Variants in NEBL observed in about 807,000 individuals in gnomAD.
NEBL encodes the protein nebulette.
In NEBL, 122 loss-of-function variants were observed where a neutral mutation model predicts 140.2. The observed-to-expected ratio is 0.87, with a 90% CI of 0.75 to 1.01. NEBL has a LOEUF of 1.01. NEBL is among the 50% of genes least tolerant of loss of function. The pLI, the probability that NEBL is intolerant of heterozygous loss-of-function variation, is 0.00. For missense variants in NEBL, 1,365 were observed against 1,231.3 expected (o/e 1.11, Z -1.62); for synonymous variants, 436 against 398.9 (o/e 1.09, Z -1.11).
At chr10:20,936,057 C>A (rs7921413) in intron 4 of NEBL, among the ~76,000 whole-genome samples, 24,903 of 152,198 alleles carry the variant, frequency 0.16, 2,440 homozygotes, top group African/African-American at 0.27. Context: ...ACTGCTGCTA[C>A]TTCTACAAAT....
chr10:21,026,219 C>T (rs1054622505), intron 2 of NEBL, among the ~76,000 whole-genome samples: 2 of 152,090 alleles, frequency 1.3e-5, no homozygotes, highest in African/African-American at 2.4e-5. Flanking sequence ...CAATAGGCAA[C>T]GTCCGGAGAC....
chr10:21,110,794 G>C lies in NEBL; in HGVS notation c.164+61589C>G, dbSNP rs115122175. The C allele has an allele frequency of 5.3e-6, 3 of 570,152 alleles. No homozygotes were observed. In the African/African-American group the frequency reaches 5.5e-5, roughly 10 times the overall value. 35.3% of individuals were successfully genotyped at this position (570,152 alleles called of 1,614,324 possible). A position where few individuals can be genotyped will look rare whatever the true frequency, so the allele number is the denominator to read the frequency against. On this transcript the variant is annotated intron_variant, in intron 2 of 6. Coordinates refer to the NEBL transcript ENST00000417816. ...TGAGCACCAATTATCTTTAAGAACA[G>C]TCAGGTTAGGGACTCATGCAAAGGA...
chr10:21,044,801 C>T (rs1293154138), intron 2 of NEBL, among the ~76,000 whole-genome samples: 1 of 152,210 alleles, frequency 6.6e-6, no homozygotes, highest in African/African-American at 2.4e-5. Context: ...ACTTCTGCAA[C>T]TCACTCAGGA....
chr10:21,075,330 C>T (rs112640716), intron 2 of NEBL, among the ~76,000 whole-genome samples: 3,636 of 152,142 alleles, frequency 0.024, 149 homozygotes, highest in African/African-American at 0.08. Flanking sequence ...TGGCTGGAGA[C>T]GGACTGAGAG....
At chr10:20,859,560 T>C (rs906748433) in intron 8 of NEBL, among the ~76,000 whole-genome samples, 153 bp downstream of exon 8, 1 of 152,044 alleles carries the variant, frequency 6.6e-6, no homozygotes, top group Non-Finnish European at 1.5e-5. Context: ...ATTACAATAA[T>C]ATATTTTTCT....
rs181702081 is a variant in NEBL, at chr10:21,291,399, A to T, written n.182+1431T>A. On this transcript the variant is annotated intron_variant and non_coding_transcript_variant, in intron 1 of 8. Transcript: ENST00000675702. ...TGCATGGCTGTAATCCCAGCTACTC[A>T]GGAGGCTGAGGCAGGAGAATTGCTT... Among the ~76,000 whole-genome samples, 82 of 151,516 alleles carry T rather than the reference A, an allele frequency of 5.4e-4. 1 individual carries two copies. The highest frequency in any genetic ancestry group is 1.9e-3 in the African/African-American group (78 of 41,296).
chr10:21,022,449 C>T (rs1357965459), intron 2 of NEBL, among the ~76,000 whole-genome samples: 1 of 152,198 alleles, frequency 6.6e-6, no homozygotes, highest in Non-Finnish European at 1.5e-5. Flanking sequence ...GTAGCTCCCA[C>T]GGAGTCAGAT....
chr10:20,982,217 C>T (rs757526256), intron 3 of NEBL, among the ~76,000 whole-genome samples: 8 of 151,156 alleles, frequency 5.3e-5, no homozygotes, highest in East Asian at 3.9e-4. Flanking sequence ...ACAGAAAATT[C>T]GGAAACATCG....
chr10:21,099,346 C>T (rs1019464253), intron 2 of NEBL, among the ~76,000 whole-genome samples: 1 of 152,158 alleles, frequency 6.6e-6, no homozygotes, highest in African/African-American at 2.4e-5. Context: ...TCCCTCCTCT[C>T]CTTTCGCGTC....
chr10:21,084,448 C>T (rs1036543669), intron 2 of NEBL, among the ~76,000 whole-genome samples: 1 of 151,916 alleles, frequency 6.6e-6, no homozygotes, highest in African/African-American at 2.4e-5. Context: ...AATGTTAAAA[C>T]TAAGTCTCAG....
At chr10:20,930,974 G>A (rs938837734) in intron 4 of NEBL, among the ~76,000 whole-genome samples, 1 of 152,058 alleles carries the variant, frequency 6.6e-6, no homozygotes, top group South Asian at 2.1e-4. Context: ...AGAAACAAAC[G>A]CCTGTACCTT....
chr10:20,942,125 T>C (rs1259892946), intron 4 of NEBL, among the ~76,000 whole-genome samples: 1 of 152,104 alleles, frequency 6.6e-6, no homozygotes, highest in African/African-American at 2.4e-5. Context: ...GAGCCCACCT[T>C]GCCAAGTCAA....
chr10:20,835,893 G>C (rs573691364), intron 13 of NEBL, among the ~76,000 whole-genome samples: 4 of 152,262 alleles, frequency 2.6e-5, no homozygotes, highest in African/African-American at 9.6e-5. Context: ...ATTTTCTTTG[G>C]GGCTGGAGGA....
intron 3 of NEBL, among the ~76,000 whole-genome samples, chr10:20,994,870 G>A (rs1455633040): frequency 6.6e-6 from 1 of 151,084 alleles, no homozygotes. Flanking sequence ...AGTGGGCTGA[G>A]GAGGAGGAGG....
At position 20,782,667 on chromosome 10, in the gene NEBL, T is replaced by G. The variant is rs1463798403; in HGVS notation, c.*3080A>C. 6.6e-6 allele frequency: 1 copy of G among 152,172 alleles called. No individual in the cohort carries two copies. Among genetic ancestry groups the G allele is most frequent in the Non-Finnish European group, 1.5e-5 (1 of 68,058 alleles). The allele number at this position is 152,172 out of a possible 1,614,324, so 9.4% of individuals were successfully genotyped here. A position where few individuals can be genotyped will look rare whatever the true frequency, so the allele number is the denominator to read the frequency against. On this transcript the variant is annotated 3_prime_UTR_variant, in exon 28 of 28. Coordinates refer to ENST00000377122, the MANE Select transcript of NEBL (RefSeq NM_006393.3). ...ACTGTGCTTACAAATGCCTGTGTGG[T>G]GTATGGAGGTCGAGGAGACCTGGGA...
At chr10:21,114,204 G>A (rs1223169311) in intron 2 of NEBL, among the ~76,000 whole-genome samples, 1 of 151,976 alleles carries the variant, frequency 6.6e-6, no homozygotes, top group Non-Finnish European at 1.5e-5. Flanking sequence ...CAAGTGTGTT[G>A]TGTGGTTTCC....
chr10:21,205,705 T>C (rs1841814792), intron 3 of NEBL, among the ~76,000 whole-genome samples: 1 of 152,150 alleles, frequency 6.6e-6, no homozygotes, highest in African/African-American at 2.4e-5. Context: ...ACAAAGGTGA[T>C]TTTTATTTTC....
intron 2 of NEBL, among the ~76,000 whole-genome samples, chr10:21,126,689 C>T (rs111452932): frequency 9.2e-5 from 14 of 152,134 alleles, no homozygotes; most frequent in African/African-American, 2.6e-4. Flanking sequence ...GAAGCCTCCA[C>T]TGGGCCAGGT....
upstream of NEBL, among the ~76,000 whole-genome samples, chr10:20,900,973 G>A (rs540851935): frequency 4.5e-4 from 68 of 150,272 alleles, no homozygotes; most frequent in Admixed American, 1.8e-3. Flanking sequence ...AGCCAAGATC[G>A]CGCCACTGCA....
Sources: gnomAD v4.1 joint callset for allele counts (sites outside exome capture counted in the v4.1 genomes callset) on GRCh38, gnomAD v4.1.1 for gene constraint, MANE v1.5 for transcripts, NCBI Gene and HGNC (gene_info 2026-07-23, HGNC 2026-07-21) for gene names.